MYLK: variants seen among roughly 807,000 people sequenced by gnomAD.
MYLK encodes the protein myosin light chain kinase, smooth muscle.
MYLK carries 106 observed loss-of-function variants against 203.4 expected under a neutral mutation model. The ratio of observed to expected loss-of-function variants is 0.52; its 90% confidence interval spans 0.45 to 0.61. The LOEUF (loss-of-function observed/expected upper bound fraction) is 0.61, where lower values mean the gene tolerates loss of function less well. Among genes scored for constraint, MYLK ranks in the 20% least tolerant of loss-of-function variants. The pLI is 0.00. For synonymous variants in MYLK, 867 were observed against 959.5 expected (o/e 0.90, Z 1.78); for missense variants, 2,072 against 2,442.3 (o/e 0.85, Z 3.20).
intron 12 of MYLK, among the ~76,000 whole-genome samples, chr3:123,722,702 C>A (rs546819819): frequency 6.6e-6 from 1 of 152,300 alleles, no homozygotes; most frequent in Middle Eastern, 3.4e-3. Flanking sequence ...CAGCCTCAGG[C>A]AAAACGGAGC....
At chr3:123,672,664 G>A (rs1241374559) in intron 20 of MYLK, among the ~76,000 whole-genome samples, 1 of 152,224 alleles carries the variant, frequency 6.6e-6, no homozygotes, top group Admixed American at 6.5e-5. Flanking sequence ...TCAGTGTCAT[G>A]GTTAAATAGG....
At chr3:123,618,904 G>C in intron 32 of MYLK, 134 bp from the exon 33 acceptor site, 1 of 1,198,642 alleles carries the variant, frequency 8.3e-7, no homozygotes, top group Middle Eastern at 2.5e-4. Context: ...TGAATCATAA[G>C]CACGCCTTTC....
intron 4 of MYLK, among the ~76,000 whole-genome samples, chr3:123,771,055 G>T (rs2063865993): frequency 6.6e-6 from 1 of 152,146 alleles, no homozygotes; most frequent in Non-Finnish European, 1.5e-5. Flanking sequence ...AATGTATAAA[G>T]GTGAGAGAGA....
intron 3 of MYLK, among the ~76,000 whole-genome samples, chr3:123,821,917 G>A (rs911508162): frequency 2.6e-5 from 4 of 152,272 alleles, no homozygotes; most frequent in East Asian, 3.9e-4. Flanking sequence ...CCACTGCAAC[G>A]GTTTTGAGAG....
intron 20 of MYLK, among the ~76,000 whole-genome samples, chr3:123,675,759 C>A (rs112175074): frequency 6.6e-5 from 10 of 152,180 alleles, no homozygotes; most frequent in African/African-American, 1.4e-4. Flanking sequence ...GAGTGAGCAC[C>A]CACCCCATGA....
At chr3:123,711,279 T>C (rs1377192502) in intron 13 of MYLK, among the ~76,000 whole-genome samples, 1 of 152,118 alleles carries the variant, frequency 6.6e-6, no homozygotes, top group Non-Finnish European at 1.5e-5. Flanking sequence ...CTTTTAAAAA[T>C]CATGGCAAAG....
intron 31 of MYLK, chr3:123,622,634 CAAAT>C (rs367608383): frequency 1.0e-3 from 157 of 152,180 alleles, no homozygotes; most frequent in African/African-American, 3.4e-3. Context: ...AATATATTAA[CAAAT>C]AAATATGTCT....
At chr3:123,767,322 T>C (rs9850359) in intron 4 of MYLK, among the ~76,000 whole-genome samples, 10,385 of 152,202 alleles carry the variant, frequency 0.068, 1,151 homozygotes, top group African/African-American at 0.23. Context: ...AACAAATGCA[T>C]GAGGCTGGGT....
intron 3 of MYLK, among the ~76,000 whole-genome samples, chr3:123,824,331 C>T (rs1184903319): frequency 2.0e-5 from 3 of 152,186 alleles, no homozygotes; most frequent in African/African-American, 7.2e-5. Flanking sequence ...CTCAGGTGAT[C>T]CATCCGCCTT....
At chr3:123,832,382 A>G (rs1195239968) in intron 2 of MYLK, among the ~76,000 whole-genome samples, 1 of 152,156 alleles carries the variant, frequency 6.6e-6, no homozygotes, top group East Asian at 1.9e-4. Context: ...TAGCAATTCC[A>G]TTTCCTCAGA....
At chr3:123,719,184 G>T (rs1017424299) in intron 13 of MYLK, among the ~76,000 whole-genome samples, 3 of 152,182 alleles carry the variant, frequency 2.0e-5, no homozygotes, top group African/African-American at 7.2e-5. Context: ...CCTGCATCTG[G>T]CCTTTGGCAC....
At position 123,705,321 on chromosome 3, in the gene MYLK, G is replaced by A. The variant is rs558447965; in HGVS notation, c.2390+2433C>T. On this transcript the variant is annotated intron_variant, in intron 16 of 33. Transcript: ENST00000360304. ...AGGCCAGGGCAGTGGCCTCCGAAAG[G>A]AATGAAGAGGCTGGACTTTGGGGAA... Among the ~76,000 whole-genome samples the A allele has an allele frequency of 4.6e-5, 7 of 152,338 alleles. No homozygotes were observed. In the South Asian group the frequency reaches 1.2e-3, roughly 27 times the overall value.
chr3:123,717,558 T>C (rs2061938991), intron 13 of MYLK, among the ~76,000 whole-genome samples: 1 of 151,950 alleles, frequency 6.6e-6, no homozygotes, highest in Non-Finnish European at 1.5e-5. Flanking sequence ...TATTAATAAA[T>C]CTAGACACTT....
intron 4 of MYLK, among the ~76,000 whole-genome samples, chr3:123,773,433 A>G (rs545690429): frequency 2.7e-4 from 41 of 152,382 alleles, no homozygotes; most frequent in African/African-American, 8.9e-4. Context: ...AATTTTACTT[A>G]CTGAAATTCA....
Position 123,657,365 on chromosome 3 carries a change from A to G in MYLK, c.4049T>C (p.Leu1350Pro). The G allele has an allele frequency of 6.2e-7, 1 of 1,614,126 alleles. No individual in the cohort carries two copies. The highest frequency in any genetic ancestry group is 8.5e-7 in the Non-Finnish European group (1 of 1,180,024). Residue 1350 changes from leucine (L) to proline (P), a missense_variant, in exon 24 of 34, where the codon CTG becomes CCG. By Grantham distance (98) the Leu-to-Pro change is moderately conservative. Coordinates refer to ENST00000360304, the MANE Select transcript of MYLK (RefSeq NM_053025.4). ...ATCATATGAGGAGCCATACCAGGAC[A>G]GGGTCAGTGAGGAGCTCCGAATGTC... ...ASDIRSSSLT[L>P]SWYGSSYDGG...
At chr3:123,823,323 C>T (rs993958129) in intron 3 of MYLK, among the ~76,000 whole-genome samples, 3 of 152,174 alleles carry the variant, frequency 2.0e-5, no homozygotes, top group African/African-American at 7.2e-5. Flanking sequence ...CAGAATTTGA[C>T]ATCTCACTGT....
chr3:123,805,144 C>T (rs2065325658), intron 3 of MYLK, among the ~76,000 whole-genome samples: 1 of 152,152 alleles, frequency 6.6e-6, no homozygotes, highest in Non-Finnish European at 1.5e-5. Flanking sequence ...TACTGAAAGG[C>T]CTGGGGATAC....
intron 2 of MYLK, among the ~76,000 whole-genome samples, chr3:123,863,014 C>G (rs563779791): frequency 6.6e-6 from 1 of 152,162 alleles, no homozygotes; most frequent in Non-Finnish European, 1.5e-5. Flanking sequence ...GGTTTAAATA[C>G]GGGCTCTGCA....
rs543571614 is a variant in MYLK at position 123,671,360 on chromosome 3, G to C, written c.3653-4173C>G. Among the ~76,000 whole-genome samples, 8 of 152,342 alleles carry C rather than the reference G, an allele frequency of 5.3e-5. No homozygotes were observed. In the East Asian group the frequency reaches 1.5e-3, roughly 29 times the overall value. ...CTTGAAGATGGGTCAATTCTTTGGG[G>C]AAAGAGAATGCAATGAAAGAGGGGC... On this transcript the variant is annotated intron_variant, in intron 20 of 33. Coordinates refer to ENST00000360304, the MANE Select transcript of MYLK (RefSeq NM_053025.4).
Sources: gnomAD v4.1 joint callset for allele counts (sites outside exome capture counted in the v4.1 genomes callset) on GRCh38, gnomAD v4.1.1 for gene constraint, MANE v1.5 for transcripts, NCBI Gene and HGNC (gene_info 2026-07-23, HGNC 2026-07-21) for gene names.